HSD17B2: variants seen among roughly 807,000 people sequenced by gnomAD.
HSD17B2 encodes the protein hydroxysteroid 17-beta dehydrogenase 2.
In HSD17B2, 32 loss-of-function variants were observed where a neutral mutation model predicts 26.9. That is an observed-to-expected ratio of 1.19 (90% CI 0.90 to 1.60). The LOEUF is 1.60. Ranked by LOEUF, HSD17B2 falls within the 40% of genes most tolerant of loss-of-function variation. The pLI, the probability that HSD17B2 is intolerant of heterozygous loss-of-function variation, is 0.00. For synonymous variants in HSD17B2, 246 were observed against 186.7 expected (o/e 1.32, Z -2.59); for missense variants, 613 against 468.6 (o/e 1.31, Z -2.85).
intron 1 of HSD17B2, among the ~76,000 whole-genome samples, chr16:82,064,372 C>T (rs942781347): frequency 6.6e-6 from 1 of 152,168 alleles, no homozygotes; most frequent in African/African-American, 2.4e-5. Context: ...TAATATCTCA[C>T]TGTTGGGTAT....
At chr16:82,095,023 C>T (rs146317983) in intron 4 of HSD17B2, 9 of 152,294 alleles carry the variant, frequency 5.9e-5, no homozygotes, top group African/African-American at 1.9e-4. Context: ...TAGGGAGAGT[C>T]TGTCAAAAGT....
intron 4 of HSD17B2, chr16:82,093,528 C>G (rs182069849): frequency 1.1e-4 from 16 of 152,320 alleles, no homozygotes; most frequent in Admixed American, 9.8e-4. Flanking sequence ...CTAGTTTGAA[C>G]AAGTATGAAC....
At chr16:82,090,300 T>TTG (rs1453093868) in intron 3 of HSD17B2, 1 of 139,466 alleles carries the variant, frequency 7.2e-6, no homozygotes. Context: ...CTAAACTACA[T>TTG]TGTTTTTTTT....
intron 2 of HSD17B2, among the ~76,000 whole-genome samples, chr16:82,070,418 C>T (rs1914671346): frequency 6.6e-6 from 1 of 152,204 alleles, no homozygotes; most frequent in South Asian, 2.1e-4. Context: ...TCCTTGCAAC[C>T]CATCTTTCCT....
intron 2 of HSD17B2, among the ~76,000 whole-genome samples, chr16:82,070,589 C>T (rs954245677): frequency 6.6e-6 from 1 of 152,256 alleles, no homozygotes; most frequent in Admixed American, 6.5e-5. Flanking sequence ...GGTTCCCTAT[C>T]AGTGGTTCCC....
At chr16:82,040,646 C>G (rs892878242) in intron 1 of HSD17B2, among the ~76,000 whole-genome samples, 1 of 152,196 alleles carries the variant, frequency 6.6e-6, no homozygotes, top group African/African-American at 2.4e-5. Context: ...CATGACTCTG[C>G]TTAATACAGA....
chr16:82,075,985 TACTAGTAA>T (rs1904299244), intron 3 of HSD17B2, among the ~76,000 whole-genome samples: 1 of 145,000 alleles, frequency 6.9e-6, no homozygotes, highest in Non-Finnish European at 1.5e-5. Context: ...CTTAACAAAA[TACTAGTAA>T]ACTGAATTCA....
rs745957144 is a variant in HSD17B2 at position 82,090,923 on chromosome 16, T to G, written c.686T>G (p.Leu229Arg). The G allele has an allele frequency of 1.2e-6, 2 of 1,613,496 alleles. No individual in the cohort carries two copies. Among genetic ancestry groups the G allele is most frequent in the Non-Finnish European group, 1.7e-6 (2 of 1,179,668 alleles). ...ATAGGAGGGGCCCCAATGGAAAGGC[T>G]GGCATCTTATGGCTCATCAAAGGCG... ...SMGGGAPMERLASYGSSKAAV... is the reference protein window; with the variant it reads ...SMGGGAPMERRASYGSSKAAV... Residue 229 changes from leucine (L) to arginine (R), a missense_variant, in exon 4 of 5, where the codon CTG becomes CGG. By Grantham distance (102) the Leu-to-Arg change is moderately radical. Transcript: ENST00000199936.
intron 3 of HSD17B2, among the ~76,000 whole-genome samples, chr16:82,076,897 AG>A (rs2143994749): frequency 1.3e-5 from 2 of 152,356 alleles, no homozygotes; most frequent in East Asian, 3.9e-4. Flanking sequence ...AGAGAAGTCA[AG>A]AAAGTAATCT....
At chr16:82,053,575 CTG>C (rs1227018150) in intron 1 of HSD17B2, among the ~76,000 whole-genome samples, 3 of 152,158 alleles carry the variant, frequency 2.0e-5, no homozygotes, top group African/African-American at 7.2e-5. Context: ...CTCCACTAGA[CTG>C]TAAGACCTTG....
At chr16:82,080,519 C>G (rs1422156955) in intron 3 of HSD17B2, among the ~76,000 whole-genome samples, 1 of 152,138 alleles carries the variant, frequency 6.6e-6, no homozygotes, top group Non-Finnish European at 1.5e-5. Flanking sequence ...CTAGTTCTCC[C>G]CTAGAGCCTC....
chr16:82,087,185 A>G (rs1904551999), intron 3 of HSD17B2, among the ~76,000 whole-genome samples: 2 of 152,208 alleles, frequency 1.3e-5, no homozygotes, highest in African/African-American at 2.4e-5. Flanking sequence ...GAGTAATGCA[A>G]GAGGAATAAG....
At chr16:82,094,585 G>A (rs1206008359) in intron 4 of HSD17B2, 1 of 152,130 alleles carries the variant, frequency 6.6e-6, no homozygotes, top group African/African-American at 2.4e-5. Context: ...TATTTGATGA[G>A]CTCTCTCAAG....
At chr16:82,075,908 T>A (rs1395190629) in intron 3 of HSD17B2, among the ~76,000 whole-genome samples, 7 of 134,698 alleles carry the variant, frequency 5.2e-5, no homozygotes, top group East Asian at 4.2e-4. Context: ...AAATACATGT[T>A]AAAAAAAAAA....
At chr16:82,058,255 G>C (rs1319985344) in intron 1 of HSD17B2, among the ~76,000 whole-genome samples, 1 of 151,962 alleles carries the variant, frequency 6.6e-6, no homozygotes, top group African/African-American at 2.4e-5. Flanking sequence ...ATTATTTGTA[G>C]AGGCAGGGTC....
intron 3 of HSD17B2, among the ~76,000 whole-genome samples, chr16:82,089,386 T>C (rs1009559415): frequency 6.6e-6 from 1 of 152,130 alleles, no homozygotes; most frequent in African/African-American, 2.4e-5. Flanking sequence ...CTTCTTTCAC[T>C]TGGGAAATCT....
chr16:82,080,988 C>T (rs1229679776), intron 3 of HSD17B2, among the ~76,000 whole-genome samples: 2 of 151,750 alleles, frequency 1.3e-5, no homozygotes, highest in Non-Finnish European at 2.9e-5. Context: ...AGTTGCCAGC[C>T]ACCTCACCTC....
chr16:82,038,253 A>G (rs1913671019), intron 1 of HSD17B2, among the ~76,000 whole-genome samples: 1 of 152,252 alleles, frequency 6.6e-6, no homozygotes, highest in Admixed American at 6.5e-5. Flanking sequence ...GTAAGCAAGC[A>G]TAGAGTGTTT....
intron 1 of HSD17B2, among the ~76,000 whole-genome samples, chr16:82,043,616 G>A (rs911886290): frequency 8.1e-6 from 1 of 123,988 alleles, no homozygotes; most frequent in Non-Finnish European, 1.5e-5. Context: ...CCCAGGAAGC[G>A]GAGCTTGCAG....
Sources: allele counts gnomAD v4.1 joint callset (sites outside exome capture counted in the v4.1 genomes callset), GRCh38; gene constraint gnomAD v4.1.1; transcripts MANE v1.5; gene names NCBI Gene and HGNC (gene_info 2026-07-23, HGNC 2026-07-21).